DMD: variants seen among roughly 807,000 people sequenced by gnomAD.
DMD encodes the protein mutant dystrophin.
Under a neutral mutation model 330.1 loss-of-function variants are expected in DMD, and 63 were observed. The observed-to-expected ratio is 0.19, with a 90% CI of 0.16 to 0.24. The LOEUF is 0.24. Among genes scored for constraint, DMD ranks in the 10% least tolerant of loss-of-function variants. The probability of loss-of-function intolerance (pLI) is 1.00; values close to 1 mark genes in which losing one functional copy is unlikely to be tolerated. For missense variants in DMD, 3,344 were observed against 2,684.1 expected, an observed-to-expected ratio of 1.25 and a Z score of -5.43; for synonymous variants, 1,223 against 959.8, an observed-to-expected ratio of 1.27 and a Z score of -5.07.
At chrX:32,698,911 T>A (rs1487354727) in intron 8 of DMD, among the ~76,000 whole-genome samples, 2 of 111,115 alleles carry the variant, frequency 1.8e-5, no homozygotes, top group Non-Finnish European at 3.8e-5. Flanking sequence ...TTTTAAAATA[T>A]GTTTTGAAAT....
At chrX:33,256,951 C>T (rs778379451) in intron 1 of DMD, among the ~76,000 whole-genome samples, 8 of 110,510 alleles carry the variant, frequency 7.2e-5, no homozygotes, top group South Asian at 7.5e-4. Context: ...AAACGTGTAA[C>T]GGAGTAACAC....
chrX:32,391,530 G>T (rs2098002267), intron 30 of DMD, among the ~76,000 whole-genome samples: 1 of 111,799 alleles, frequency 8.9e-6, no homozygotes, highest in Admixed American at 9.6e-5. Context: ...AATCAATTAT[G>T]AATTACCTAA....
chrX:32,134,729 G>T (rs1353518103), intron 44 of DMD, among the ~76,000 whole-genome samples: 1 of 111,729 alleles, frequency 9.0e-6, no homozygotes, highest in Non-Finnish European at 1.9e-5. Flanking sequence ...ACCAGACGTT[G>T]TTATTGCCAC....
rs749432555 is a variant in DMD at position 32,810,605 on chromosome X, T to A, written c.531-994A>T. On this transcript the variant is annotated intron_variant, in intron 6 of 78. Coordinates refer to ENST00000357033, the MANE Select transcript of DMD (RefSeq NM_004006.3). ...CATTTAATTCAAAATGTATTCAGAA[T>A]TTGACTGCTTCTGACTATCCTCACT... Among the ~76,000 whole-genome samples, 181 of 112,186 alleles carry A rather than the reference T, an allele frequency of 1.6e-3. 1 individual carries two copies. Among genetic ancestry groups the A allele is most frequent in the Non-Finnish European group, 2.1e-3 (111 of 53,259 alleles).
At chrX:31,201,513 A>G (rs1407069662) in intron 67 of DMD, among the ~76,000 whole-genome samples, 2 of 112,788 alleles carry the variant, frequency 1.8e-5, no homozygotes, top group South Asian at 3.7e-4. Context: ...ACAGAGACAG[A>G]AATGTAACCA....
At chrX:32,787,043 A>G (rs2075412844) in intron 7 of DMD, among the ~76,000 whole-genome samples, 2 of 111,660 alleles carry the variant, frequency 1.8e-5, no homozygotes, top group South Asian at 7.4e-4. Flanking sequence ...TTACGATGTC[A>G]TATGACGTAA....
At position 32,462,106 on chromosome X, in the gene DMD, C is replaced by T. The variant is rs1008146972; in HGVS notation, c.3432+1333G>A. Reference sequence around the variant, plus strand: ...CCCCTTATTAATTTCCAAAAAGGTACAGTAGTTCCCTTGTATCTTTGGAAG... The same window carrying T: ...CCCCTTATTAATTTCCAAAAAGGTATAGTAGTTCCCTTGTATCTTTGGAAG... On this transcript the variant is annotated intron_variant, in intron 25 of 78. Coordinates refer to ENST00000357033, the MANE Select transcript of DMD (RefSeq NM_004006.3). Among the ~76,000 whole-genome samples the T allele has an allele frequency of 5.4e-5, 6 of 111,354 alleles. No individual in the cohort carries two copies. The South Asian group carries it at 2.2e-3, about 42-fold the overall frequency.
At chrX:32,154,952 T>C (rs780923091) in intron 44 of DMD, among the ~76,000 whole-genome samples, 1 of 110,546 alleles carries the variant, frequency 9.0e-6, no homozygotes, top group East Asian at 2.9e-4. Flanking sequence ...TGGATATGAA[T>C]TGCCCCCTCC....
At chrX:32,093,373 C>T (rs1358165432) in intron 44 of DMD, among the ~76,000 whole-genome samples, 1 of 111,782 alleles carries the variant, frequency 8.9e-6, no homozygotes, top group Non-Finnish European at 1.9e-5. Context: ...GATAAATGCC[C>T]AGTAGTGGGA....
intron 44 of DMD, among the ~76,000 whole-genome samples, chrX:32,089,229 T>A (rs1166767850): frequency 9.0e-6 from 1 of 111,050 alleles, no homozygotes; most frequent in Admixed American, 9.6e-5. Context: ...TCAGAAGCAA[T>A]CTCTTTTAAC....
At chrX:33,031,215 C>T (rs2094105099) in intron 1 of DMD, among the ~76,000 whole-genome samples, 1 of 108,795 alleles carries the variant, frequency 9.2e-6, no homozygotes, top group East Asian at 2.9e-4. Flanking sequence ...AGCCCATTTG[C>T]AGGGCAGTCC....
intron 55 of DMD, among the ~76,000 whole-genome samples, chrX:31,602,018 A>G: frequency 8.9e-6 from 1 of 111,995 alleles, no homozygotes; most frequent in Middle Eastern, 4.6e-3. Flanking sequence ...AAAAGGTCCT[A>G]TACTATTTTA....
chrX:31,435,313 CATTG>C (rs756641007), intron 60 of DMD, among the ~76,000 whole-genome samples: 1 of 111,659 alleles, frequency 9.0e-6, no homozygotes, highest in African/African-American at 3.2e-5. Flanking sequence ...CATATGACTA[CATTG>C]ATTGTCTGAA....
At position 32,971,783 on chromosome X, in the gene DMD, A is replaced by T. The variant is rs72626068; in HGVS notation, c.93+48356T>A. Among the ~76,000 whole-genome samples, 23 of 111,026 alleles carry T rather than the reference A, an allele frequency of 2.1e-4. No homozygotes were observed. In the East Asian group the frequency reaches 6.3e-3, roughly 30 times the overall value. On this transcript the variant is annotated intron_variant, in intron 2 of 78. Transcript: ENST00000357033. ...CACACACATATATATATATGTGTGC[A>T]CACATCCATATATATTTAACTTTAT... is the stretch of plus-strand genomic sequence containing the variant.
chrX:32,269,244 A>C (rs1054338037), intron 43 of DMD, among the ~76,000 whole-genome samples: 12 of 111,162 alleles, frequency 1.1e-4, no homozygotes, highest in Non-Finnish European at 2.1e-4. Flanking sequence ...GTGTCAGCAG[A>C]CCACTGTGCA....
At chrX:31,259,284 A>C (rs62588869) in intron 63 of DMD, among the ~76,000 whole-genome samples, 21,125 of 111,472 alleles carry the variant, frequency 0.19, 1,653 homozygotes, top group Non-Finnish European at 0.23. Flanking sequence ...AGACTAATTT[A>C]AATTAGCTCT....
intron 47 of DMD, among the ~76,000 whole-genome samples, chrX:31,926,066 A>AT (rs781206623): frequency 5.4e-5 from 6 of 110,564 alleles, no homozygotes; most frequent in African/African-American, 2.0e-4. Context: ...ATGAAGAGGG[A>AT]TAAATATTAA....
At chrX:33,044,065 G>A (rs984666015) in intron 1 of DMD, among the ~76,000 whole-genome samples, 1 of 111,302 alleles carries the variant, frequency 9.0e-6, no homozygotes, top group Admixed American at 9.5e-5. Context: ...AATCAGAATG[G>A]AACACTTTCA....
intron 47 of DMD, among the ~76,000 whole-genome samples, chrX:31,915,066 T>C (rs1453340984): frequency 1.8e-5 from 2 of 112,104 alleles, no homozygotes; most frequent in South Asian, 3.7e-4. Context: ...GAATTGGTTG[T>C]GGTAGGAGCA....
Sources: allele counts gnomAD v4.1 joint callset (sites outside exome capture counted in the v4.1 genomes callset), GRCh38; gene constraint gnomAD v4.1.1; transcripts MANE v1.5; gene names NCBI Gene and HGNC (gene_info 2026-07-23, HGNC 2026-07-21).